Variants in CDH13 observed in about 807,000 individuals in gnomAD.
The protein encoded by CDH13 is cadherin 13, also known as cadherin-13.
Under a neutral mutation model 63.8 loss-of-function variants are expected in CDH13, and 24 were observed. The observed-to-expected ratio is 0.38, with a 90% CI of 0.27 to 0.53. The LOEUF (loss-of-function observed/expected upper bound fraction) is 0.53. Among genes scored for constraint, CDH13 ranks in the 20% least tolerant of loss-of-function variants. CDH13 has a pLI of 0.85. For missense variants in CDH13, 1,049 were observed against 903.1 expected (o/e 1.16, Z -2.07); for synonymous variants, 503 against 355.3 (o/e 1.42, Z -4.67).
At chr16:82,802,406 C>G (rs1274971627) in intron 1 of CDH13, among the ~76,000 whole-genome samples, 2 of 152,138 alleles carry the variant, frequency 1.3e-5, no homozygotes, top group Admixed American at 6.5e-5. Context: ...CCTGGCAAAA[C>G]AGGAGGATAT....
chr16:83,282,761 G>T (rs1265586334), intron 5 of CDH13, among the ~76,000 whole-genome samples: 3 of 152,206 alleles, frequency 2.0e-5, no homozygotes, highest in Non-Finnish European at 4.4e-5. Flanking sequence ...GGACACCTTA[G>T]GGGCTTCTGA....
At chr16:83,163,557 T>G (rs572366407) in intron 4 of CDH13, among the ~76,000 whole-genome samples, 1 of 152,246 alleles carries the variant, frequency 6.6e-6, no homozygotes, top group East Asian at 1.9e-4. Context: ...CCGTTCCTCC[T>G]GGGCACACAG....
chr16:83,698,754 G>C (rs987219682), intron 10 of CDH13, among the ~76,000 whole-genome samples: 1 of 152,234 alleles, frequency 6.6e-6, no homozygotes, highest in African/African-American at 2.4e-5. Context: ...TCTTCTGTTA[G>C]AGCACGGTTG....
chr16:83,633,991 T>C (rs1276268385), intron 8 of CDH13, among the ~76,000 whole-genome samples: 2 of 152,190 alleles, frequency 1.3e-5, no homozygotes, highest in African/African-American at 2.4e-5. Flanking sequence ...TGAACCCTTC[T>C]CTCAGCTTCC....
chr16:83,076,023 A>G (rs922286306), intron 3 of CDH13, among the ~76,000 whole-genome samples: 3 of 152,222 alleles, frequency 2.0e-5, no homozygotes, highest in Non-Finnish European at 2.9e-5. Context: ...AGTATGCAAA[A>G]TGGCTGAAAG....
chr16:83,538,651 C>T (rs540578151), intron 7 of CDH13, among the ~76,000 whole-genome samples: 7 of 152,170 alleles, frequency 4.6e-5, no homozygotes, highest in South Asian at 2.1e-4. Context: ...GTAGCGCTGA[C>T]GATCATTTTT....
intron 2 of CDH13, among the ~76,000 whole-genome samples, chr16:83,016,112 T>C (rs1914768761): frequency 1.3e-5 from 2 of 152,138 alleles, no homozygotes; most frequent in South Asian, 4.1e-4. Context: ...GATGATGCCA[T>C]ATGGCCTAAG....
intron 6 of CDH13, among the ~76,000 whole-genome samples, chr16:83,386,141 C>T (rs1446073033): frequency 1.3e-5 from 2 of 152,210 alleles, no homozygotes; most frequent in Non-Finnish European, 2.9e-5. Context: ...GTTGAGGAAA[C>T]ATGAGCTGCT....
At chr16:83,026,159 C>G (rs4389131) in intron 2 of CDH13, among the ~76,000 whole-genome samples, 1 of 152,068 alleles carries the variant, frequency 6.6e-6, no homozygotes, top group Non-Finnish European at 1.5e-5. Context: ...TGCAGTTGTT[C>G]TCAGTGTGAC....
chr16:82,913,179 A>G (rs2041885648), intron 2 of CDH13, among the ~76,000 whole-genome samples: 1 of 152,160 alleles, frequency 6.6e-6, no homozygotes, highest in Non-Finnish European at 1.5e-5. Context: ...GGACTTTAAA[A>G]TGGTCTAAAA....
chr16:83,082,336 A>T (rs2033309035), intron 3 of CDH13, among the ~76,000 whole-genome samples: 2 of 152,128 alleles, frequency 1.3e-5, no homozygotes, highest in African/African-American at 4.8e-5. Context: ...GGAGTTGAAC[A>T]TTTTCCAGAT....
At chr16:83,164,007 T>G (rs945323778) in intron 4 of CDH13, among the ~76,000 whole-genome samples, 1 of 152,136 alleles carries the variant, frequency 6.6e-6, no homozygotes, top group Non-Finnish European at 1.5e-5. Flanking sequence ...CATTATCTAA[T>G]TTAATAATCA....
chr16:82,859,778 C>T (rs1031131023), intron 2 of CDH13: 7 of 150,912 alleles, frequency 4.6e-5, no homozygotes, highest in Admixed American at 3.3e-4. Flanking sequence ...TTCTGTGAGG[C>T]TGGGACACAC....
intron 10 of CDH13, among the ~76,000 whole-genome samples, chr16:83,726,904 C>G (rs1290441950): frequency 1.3e-5 from 2 of 151,880 alleles, no homozygotes; most frequent in Non-Finnish European, 2.9e-5. Flanking sequence ...TGAAGACTAT[C>G]GAGGGAGGAG....
At chr16:82,777,825 C>G (rs1415968903) in intron 1 of CDH13, among the ~76,000 whole-genome samples, 1 of 152,176 alleles carries the variant, frequency 6.6e-6, no homozygotes, top group Non-Finnish European at 1.5e-5. Context: ...GAGGGCTTTG[C>G]TTCCTTGCTG....
At chr16:83,540,059 C>G (rs1231271146) in intron 7 of CDH13, among the ~76,000 whole-genome samples, 2 of 146,296 alleles carry the variant, frequency 1.4e-5, no homozygotes, top group African/African-American at 2.5e-5. Context: ...ATGTTATTGT[C>G]AATAAATTTT....
rs372232107 is a variant in CDH13 at position 82,862,730 on chromosome 16, A to G, written c.157+4257A>G. Among the ~76,000 whole-genome samples the G allele has an allele frequency of 1.6e-4, 25 of 152,360 alleles. No individual in the cohort carries two copies. In the East Asian group the frequency reaches 4.4e-3, roughly 27 times the overall value. On this transcript the variant is annotated intron_variant, in intron 2 of 13. Transcript: ENST00000567109. The stretch of plus-strand genomic sequence containing the variant: ...TGCATTAACAAGAGCAGGCTAGGCT[A>G]GGCCATGGTGTCAAACAACTCTAGT...
intron 6 of CDH13, among the ~76,000 whole-genome samples, chr16:83,383,696 G>T (rs761957452): frequency 2.0e-5 from 3 of 152,138 alleles, no homozygotes; most frequent in Non-Finnish European, 2.9e-5. Context: ...TTGGCCAGGG[G>T]GAGCCTGGGG....
chr16:83,424,585 G>T (rs927035250), intron 6 of CDH13, among the ~76,000 whole-genome samples: 1 of 151,764 alleles, frequency 6.6e-6, no homozygotes, highest in African/African-American at 2.4e-5. Flanking sequence ...AAATAATATT[G>T]GACTATTAAT....
Sources: gnomAD v4.1 joint callset for allele counts (sites outside exome capture counted in the v4.1 genomes callset) on GRCh38, gnomAD v4.1.1 for gene constraint, MANE v1.5 for transcripts, NCBI Gene and HGNC (gene_info 2026-07-23, HGNC 2026-07-21) for gene names.